Variants in TPST2 observed in about 807,000 individuals in gnomAD.
TPST2 encodes the protein tyrosylprotein sulfotransferase 2.
A neutral mutation model predicts 27.8 loss-of-function variants in TPST2; 16 were observed. That is an observed-to-expected ratio of 0.58 (90% confidence interval 0.39 to 0.88). TPST2 has a LOEUF of 0.88. TPST2 is among the 40% of genes least tolerant of loss of function. The probability of loss-of-function intolerance (pLI) is 0.00; values close to 1 mark genes in which losing one functional copy is unlikely to be tolerated. For synonymous variants in TPST2, 229 were observed against 231.7 expected (o/e 0.99, Z 0.10); for missense variants, 464 against 543.1 (o/e 0.85, Z 1.45).
At chr22:26,569,981 AAAAGAAAGAAAAAGAAAG>A (rs1318432123) in intron 1 of TPST2, among the ~76,000 whole-genome samples, 5,910 of 79,476 alleles carry the variant, frequency 0.074, 413 homozygotes, top group African/African-American at 0.14. Flanking sequence ...AGAAAGAAAG[AAAAGAAAGAAAAAGAAAG>A]AAAGAAAGAA....
At chr22:26,548,219 GTAA>G (rs1203267759) in intron 1 of TPST2, among the ~76,000 whole-genome samples, 1 of 152,270 alleles carries the variant, frequency 6.6e-6, no homozygotes, top group East Asian at 1.9e-4. Flanking sequence ...GTTTACACCT[GTAA>G]TCCCAGCACT....
chr22:26,588,308 C>T (rs1602312726), intron 1 of TPST2, among the ~76,000 whole-genome samples: 1 of 152,004 alleles, frequency 6.6e-6, no homozygotes, highest in East Asian at 1.9e-4. Flanking sequence ...TAGTATATGA[C>T]TGCATTTATA....
intron 1 of TPST2, among the ~76,000 whole-genome samples, chr22:26,588,191 G>T (rs1404625004): frequency 9.6e-6 from 1 of 103,642 alleles, no homozygotes; most frequent in Non-Finnish European, 1.9e-5. Context: ...AAAAAGGAAC[G>T]AAGTACTTAA....
chr22:26,556,750 AT>A (rs1926819394), intron 1 of TPST2, among the ~76,000 whole-genome samples: 1 of 152,118 alleles, frequency 6.6e-6, no homozygotes, highest in Admixed American at 6.5e-5. Context: ...CACAAAATCT[AT>A]GGCTGTTAGG....
intron 4 of TPST2, among the ~76,000 whole-genome samples, chr22:26,532,959 C>A (rs1373003839): frequency 6.6e-6 from 1 of 152,094 alleles, no homozygotes; most frequent in Non-Finnish European, 1.5e-5. Context: ...AATTCCTGTT[C>A]CCCTGGAGCT....
At chr22:26,567,584 T>A (rs1927429981) in intron 1 of TPST2, among the ~76,000 whole-genome samples, 1 of 152,202 alleles carries the variant, frequency 6.6e-6, no homozygotes, top group Admixed American at 6.5e-5. Context: ...TGGATTCCAA[T>A]GACCTTGAGG....
At chr22:26,589,632 G>A (rs1359781926) in intron 1 of TPST2, among the ~76,000 whole-genome samples, 5 of 152,214 alleles carry the variant, frequency 3.3e-5, no homozygotes, top group African/African-American at 1.2e-4. Flanking sequence ...GCTGCTGCAA[G>A]TTAACTTCCA....
At chr22:26,587,008 C>T (rs964940017) in intron 1 of TPST2, among the ~76,000 whole-genome samples, 1 of 152,150 alleles carries the variant, frequency 6.6e-6, no homozygotes, top group African/African-American at 2.4e-5. Flanking sequence ...TGGGGGGTGG[C>T]CCCTCTTGAA....
intron 1 of TPST2, among the ~76,000 whole-genome samples, chr22:26,587,920 C>T (rs1021728308): frequency 1.5e-4 from 22 of 151,628 alleles, no homozygotes; most frequent in Middle Eastern, 3.4e-3. Flanking sequence ...TAGTGGGACC[C>T]CTATCTCTAC....
rs1924663356 is a variant in TPST2 at position 26,523,490 on chromosome 22, T to C, written c.*2785A>G. 1 of 152,184 alleles carries C rather than the reference T, an allele frequency of 6.6e-6. No individual in the cohort carries two copies. The highest frequency in any genetic ancestry group is 2.4e-5 in the African/African-American group (1 of 41,448). 9.4% of individuals were successfully genotyped at this position (152,184 alleles called of 1,614,324 possible). On this transcript the variant is annotated 3_prime_UTR_variant, in exon 7 of 7. Transcript: ENST00000338754. Reference sequence around the variant, plus strand: ...TCAGATCAAATCAGGGGAGATGAAATGAGAGTGGATTCTGAGCCTAGTTTT... The same window carrying C: ...TCAGATCAAATCAGGGGAGATGAAACGAGAGTGGATTCTGAGCCTAGTTTT...
chr22:26,572,590 A>G (rs1927672060), intron 1 of TPST2, among the ~76,000 whole-genome samples: 1 of 152,096 alleles, frequency 6.6e-6, no homozygotes, highest in Non-Finnish European at 1.5e-5. Flanking sequence ...CTCCTCAGCT[A>G]AAGTATCTCC....
At chr22:26,561,172 G>C in intron 1 of TPST2, 3 of 1,582,754 alleles carry the variant, frequency 1.9e-6, no homozygotes, top group Non-Finnish European at 2.6e-6. Context: ...GTTGGTTCTA[G>C]CGCAGTTTTT....
chr22:26,533,339 G>A (rs1387871248), intron 4 of TPST2, among the ~76,000 whole-genome samples: 1 of 152,146 alleles, frequency 6.6e-6, no homozygotes, highest in Admixed American at 6.5e-5. Context: ...AGGATTGGTT[G>A]AGCCCGGGAG....
chr22:26,541,165 A>G lies in TPST2; in HGVS notation c.466T>C (p.Cys156Arg). 6.2e-7 allele frequency: 1 copy of G among 1,603,688 alleles called. No homozygotes were observed. Residue 156 changes from cysteine to arginine, a missense_variant, in exon 3 of 7, where the codon TGC (cysteine) becomes CGC (arginine). Coordinates refer to ENST00000338754, the MANE Select transcript of TPST2 (RefSeq NM_003595.5). The surrounding 1 kb of genome is among the most constrained non-coding windows in gnomAD (Gnocchi z 5.9). ...TTGAGCGTAAATGGGTCCTTGTTGC[A>G]GAGCACGCGGGCCGGCTCTCCGTGC... ...AKHGEPARVL[C>R]NKDPFTLKSS...
At chr22:26,562,932 T>C (rs950734709) in intron 1 of TPST2, among the ~76,000 whole-genome samples, 1 of 152,138 alleles carries the variant, frequency 6.6e-6, no homozygotes, top group Non-Finnish European at 1.5e-5. Flanking sequence ...CCATCGGTAA[T>C]GTCCAGAGAT....
chr22:26,543,862 CAGAA>C (rs1925986183), intron 2 of TPST2, among the ~76,000 whole-genome samples: 1 of 152,190 alleles, frequency 6.6e-6, no homozygotes, highest in African/African-American at 2.4e-5. Flanking sequence ...ACTTGGGACA[CAGAA>C]AGCAGCCTGG....
At chr22:26,579,197 A>C (rs986217646) in intron 1 of TPST2, among the ~76,000 whole-genome samples, 1 of 152,018 alleles carries the variant, frequency 6.6e-6, no homozygotes, top group Non-Finnish European at 1.5e-5. Context: ...TTCTTCCCAA[A>C]ACTCTTAGCC....
chr22:26,573,340 CGTCTTATCTGAA>C (rs1927706762), intron 1 of TPST2, among the ~76,000 whole-genome samples: 1 of 152,238 alleles, frequency 6.6e-6, no homozygotes, highest in South Asian at 2.1e-4. Context: ...CTAGTTCCAC[CGTCTTATCTGAA>C]GGCTCGGGGT....
intron 4 of TPST2, among the ~76,000 whole-genome samples, chr22:26,534,561 C>T (rs1925344709): frequency 6.6e-6 from 1 of 152,186 alleles, no homozygotes; most frequent in Non-Finnish European, 1.5e-5. Context: ...GACCCATAGC[C>T]TGGGGCAAGC....
Sources: allele counts gnomAD v4.1 joint callset (sites outside exome capture counted in the v4.1 genomes callset), GRCh38; gene constraint gnomAD v4.1.1; non-coding constraint Gnocchi (gnomAD v3.1); transcripts MANE v1.5; gene names NCBI Gene and HGNC (gene_info 2026-07-23, HGNC 2026-07-21).